The following KCNB2 variants were observed in gnomAD, a reference collection of about 807,000 sequenced individuals.
The protein encoded by KCNB2 is delayed rectifier potassium channel protein.
In KCNB2, 15 loss-of-function variants were observed where a neutral mutation model predicts 61.5. That is an observed-to-expected ratio of 0.24 (90% confidence interval 0.16 to 0.38). The LOEUF (loss-of-function observed/expected upper bound fraction) is 0.38. Among genes scored for constraint, KCNB2 ranks in the 10% least tolerant of loss-of-function variants. The pLI is 1.00. For missense variants in KCNB2, 828 were observed against 1,125.2 expected, an observed-to-expected ratio of 0.74 and a Z score of 3.78; for synonymous variants, 457 against 446.0, an observed-to-expected ratio of 1.02 and a Z score of -0.31.
intron 2 of KCNB2, among the ~76,000 whole-genome samples, chr8:72,929,325 A>G (rs746395507): frequency 2.6e-5 from 4 of 152,096 alleles, no homozygotes; most frequent in Non-Finnish European, 5.9e-5. Context: ...AATACAACCA[A>G]TGTTGGTCCC....
At chr8:72,558,891 G>C (rs903581934) in intron 1 of KCNB2, among the ~76,000 whole-genome samples, 1 of 152,106 alleles carries the variant, frequency 6.6e-6, no homozygotes, top group African/African-American at 2.4e-5. Context: ...ACAATAATAT[G>C]TGATCCTTGA....
chr8:72,906,155 A>G (rs1806173129), intron 2 of KCNB2, among the ~76,000 whole-genome samples: 1 of 152,180 alleles, frequency 6.6e-6, no homozygotes, highest in Non-Finnish European at 1.5e-5. Flanking sequence ...ATATTTAAGG[A>G]AGCTTTAGGG....
intron 2 of KCNB2, among the ~76,000 whole-genome samples, chr8:72,783,631 T>C (rs974978281): frequency 2.6e-5 from 4 of 152,186 alleles, no homozygotes; most frequent in African/African-American, 4.8e-5. Flanking sequence ...CTGTTTTGTC[T>C]TCTTCACAGA....
At chr8:72,710,544 T>C (rs1807310082) in intron 2 of KCNB2, among the ~76,000 whole-genome samples, 1 of 151,958 alleles carries the variant, frequency 6.6e-6, no homozygotes, top group Non-Finnish European at 1.5e-5. Context: ...AAAGGAAAAG[T>C]GGATAGGAAG....
In KCNB2 at chr8:72,598,571, A is replaced by G. The variant is rs187692553; in HGVS notation, c.579+30258A>G. Reference sequence around the variant, plus strand: ...AAGAATGCCCTCTCTCACCACTCCTATTCAACATAGTGTTGGAAGTTCTGG... The same window carrying G: ...AAGAATGCCCTCTCTCACCACTCCTGTTCAACATAGTGTTGGAAGTTCTGG... On this transcript the variant is annotated intron_variant, in intron 2 of 2. Transcript: ENST00000523207. Among the ~76,000 whole-genome samples, 406 of 152,306 alleles carry G rather than the reference A, an allele frequency of 2.7e-3. 2 individuals carry two copies. The highest frequency in any genetic ancestry group is 8.4e-3 in the African/African-American group (349 of 41,568).
At chr8:72,671,819 A>C (rs1396328555) in intron 2 of KCNB2, among the ~76,000 whole-genome samples, 1 of 152,192 alleles carries the variant, frequency 6.6e-6, no homozygotes, top group Non-Finnish European at 1.5e-5. Context: ...CTTCATTGCC[A>C]TGATCACAAG....
intron 2 of KCNB2, among the ~76,000 whole-genome samples, chr8:72,864,934 T>C (rs188094268): frequency 3.0e-4 from 45 of 152,306 alleles, no homozygotes; most frequent in South Asian, 8.3e-4. Flanking sequence ...TAGATACTTA[T>C]ATGTTTGTCC....
At chr8:72,616,108 A>G (rs936377148) in intron 2 of KCNB2, among the ~76,000 whole-genome samples, 2 of 152,174 alleles carry the variant, frequency 1.3e-5, no homozygotes, top group Admixed American at 1.3e-4. Context: ...AAGGTTCTCA[A>G]TCATGTCACC....
At chr8:72,567,254 G>A (rs887825686) in intron 1 of KCNB2, among the ~76,000 whole-genome samples, 10 of 152,134 alleles carry the variant, frequency 6.6e-5, no homozygotes, top group African/African-American at 2.4e-4. Context: ...CAAGGCTGCA[G>A]TGAGCTGTGA....
chr8:72,654,631 G>T (rs1806262171), intron 2 of KCNB2, among the ~76,000 whole-genome samples: 1 of 152,022 alleles, frequency 6.6e-6, no homozygotes, highest in Non-Finnish European at 1.5e-5. Context: ...TAGATTCTTT[G>T]TATCATTTAC....
intron 2 of KCNB2, among the ~76,000 whole-genome samples, chr8:72,743,941 G>A (rs1229971137): frequency 6.6e-6 from 1 of 152,058 alleles, no homozygotes; most frequent in African/African-American, 2.4e-5. Flanking sequence ...GAATTCGGGA[G>A]CCCTAAGTCT....
intron 2 of KCNB2, among the ~76,000 whole-genome samples, chr8:72,573,684 G>A (rs756957768): frequency 4.6e-5 from 7 of 151,232 alleles, no homozygotes; most frequent in Non-Finnish European, 1.0e-4. Context: ...CTACATTGAG[G>A]CCCCTCTGTG....
At chr8:72,816,529 G>A (rs1295089985) in intron 2 of KCNB2, among the ~76,000 whole-genome samples, 1 of 152,188 alleles carries the variant, frequency 6.6e-6, no homozygotes, top group African/African-American at 2.4e-5. Flanking sequence ...TTCTCAAGTA[G>A]CCTGGCAGCA....
chr8:72,723,140 CT>C (rs1188474372), intron 2 of KCNB2, among the ~76,000 whole-genome samples: 1 of 152,148 alleles, frequency 6.6e-6, no homozygotes, highest in Non-Finnish European at 1.5e-5. Context: ...GCTTTTTATA[CT>C]GTTTGATTAT....
chr8:72,927,683 G>C (rs1463192885), intron 2 of KCNB2, among the ~76,000 whole-genome samples: 1 of 152,170 alleles, frequency 6.6e-6, no homozygotes, highest in Non-Finnish European at 1.5e-5. Context: ...AAAACATAGA[G>C]GCATCATTCA....
intron 2 of KCNB2, among the ~76,000 whole-genome samples, chr8:72,895,216 G>A (rs879274423): frequency 5.9e-5 from 9 of 152,180 alleles, no homozygotes; most frequent in Admixed American, 2.0e-4. Context: ...GATTGTGAAG[G>A]GAATTAAGGT....
chr8:72,713,069 C>G (rs1807352830), intron 2 of KCNB2, among the ~76,000 whole-genome samples: 1 of 152,234 alleles, frequency 6.6e-6, no homozygotes, highest in Admixed American at 6.5e-5. Flanking sequence ...GTTGCTAGCA[C>G]AGCAGTCTGA....
At chr8:72,838,786 T>G (rs188884731) in intron 2 of KCNB2, among the ~76,000 whole-genome samples, 1 of 132,146 alleles carries the variant, frequency 7.6e-6, no homozygotes, top group Admixed American at 8.2e-5. Context: ...ATACATGTAG[T>G]TTTTCTGAAA....
intron 2 of KCNB2, among the ~76,000 whole-genome samples, chr8:72,729,472 C>T (rs1807705344): frequency 6.6e-6 from 1 of 152,190 alleles, no homozygotes; most frequent in African/African-American, 2.4e-5. Context: ...TGTGAAGTTT[C>T]ACTTGATATC....
Sources: allele counts gnomAD v4.1 joint callset (sites outside exome capture counted in the v4.1 genomes callset), GRCh38; gene constraint gnomAD v4.1.1; transcripts MANE v1.5; gene names NCBI Gene and HGNC (gene_info 2026-07-23, HGNC 2026-07-21).